ST8SIA6: variants seen among roughly 807,000 people sequenced by gnomAD.
The protein encoded by ST8SIA6 is alpha-2,8-sialyltransferase 8F.
A neutral mutation model predicts 33.6 loss-of-function variants in ST8SIA6; 39 were observed. That is an observed-to-expected ratio of 1.16 (90% CI 0.90 to 1.52). The LOEUF (loss-of-function observed/expected upper bound fraction) is 1.52, where lower values mean the gene tolerates loss of function less well. Among genes scored for constraint, ST8SIA6 ranks in the 40% most tolerant of loss-of-function variants. The pLI is 0.00. For missense variants in ST8SIA6, 441 were observed against 443.8 expected (o/e 0.99, Z 0.06); for synonymous variants, 172 against 167.2 (o/e 1.03, Z -0.22).
intron 3 of ST8SIA6, among the ~76,000 whole-genome samples, chr10:17,385,145 C>T (rs757643490): frequency 7.4e-4 from 113 of 152,302 alleles, no homozygotes; most frequent in Non-Finnish European, 1.2e-3. Context: ...CTGCTCAGGG[C>T]AAACCTGCCT....
At chr10:17,418,659 C>A (rs1851674685) in intron 2 of ST8SIA6, among the ~76,000 whole-genome samples, 1 of 152,192 alleles carries the variant, frequency 6.6e-6, no homozygotes, top group African/African-American at 2.4e-5. Context: ...CATATGGCCT[C>A]CAATTGTTAT....
intron 4 of ST8SIA6, among the ~76,000 whole-genome samples, chr10:17,353,218 A>G (rs536847069): frequency 6.6e-6 from 1 of 152,350 alleles, no homozygotes; most frequent in East Asian, 1.9e-4. Context: ...CCAAAGTCAG[A>G]CAATACTGTT....
chr10:17,343,628 G>C (rs1396219725), intron 4 of ST8SIA6, among the ~76,000 whole-genome samples: 2 of 152,088 alleles, frequency 1.3e-5, no homozygotes, highest in East Asian at 3.9e-4. Context: ...AACACAGAAA[G>C]AGAGCCCTGA....
chr10:17,449,244 G>C (rs916206830), intron 2 of ST8SIA6, among the ~76,000 whole-genome samples: 5 of 151,610 alleles, frequency 3.3e-5, no homozygotes, highest in African/African-American at 7.3e-5. Flanking sequence ...TATTTTAAAA[G>C]ATAAAAGTAC....
chr10:17,321,125 G>C lies in ST8SIA6; in HGVS notation c.950C>G (p.Thr317Ser), dbSNP rs577135198. 1.9e-6 allele frequency: 3 copies of C among 1,614,088 alleles called. No individual in the cohort carries two copies. Among genetic ancestry groups the C allele is most frequent in the South Asian group, 2.2e-5 (2 of 91,080 alleles). The change falls in exon 8 of 8, where the codon ACT becomes AGT. Residue 317 changes from threonine (T) to serine (S), a missense_variant. By Grantham distance (58) the Thr-to-Ser change is moderately conservative. Transcript: ENST00000377602. ...LALFWRTKGVTAYRLSTGLMI... is the reference protein window; with the variant it reads ...LALFWRTKGVSAYRLSTGLMI... ...CAAGCCGGTGGACAAGCGGTATGCA[G>C]TCACACCTTTAGTTCTCCAGAAAAG...
chr10:17,385,608 G>A (rs1423408084), intron 3 of ST8SIA6, among the ~76,000 whole-genome samples: 1 of 152,054 alleles, frequency 6.6e-6, no homozygotes, highest in Admixed American at 6.6e-5. Flanking sequence ...GGGAGAGCTG[G>A]AGACATATTG....
In ST8SIA6 at chr10:17,425,342, C is replaced by T. The variant is rs539108515; in HGVS notation, c.200+28217G>A. Among the ~76,000 whole-genome samples, 6 of 152,100 alleles carry T rather than the reference C, an allele frequency of 3.9e-5. No individual in the cohort carries two copies. In the South Asian group the frequency reaches 1.0e-3, roughly 26 times the overall value. On this transcript the variant is annotated intron_variant, in intron 2 of 7. Coordinates refer to ENST00000377602, the MANE Select transcript of ST8SIA6 (RefSeq NM_001004470.3). ...CCAGCGCTCTGGGAGGCCGAGGAGG[C>T]TGAATCACCTGAGATCAAGAGTTCA...
intron 3 of ST8SIA6, among the ~76,000 whole-genome samples, chr10:17,376,275 G>A (rs531624387): frequency 3.9e-5 from 6 of 152,278 alleles, no homozygotes; most frequent in Admixed American, 1.3e-4. Context: ...CAGTATCCCT[G>A]AATCAACATC....
rs1853049828 is a variant in ST8SIA6 at position 17,454,482 on chromosome 10, G to T, written c.-227C>A. 6.6e-6 allele frequency among the ~76,000 whole-genome samples: 1 copy of T among 151,656 alleles called. No individual in the cohort carries two copies. Among genetic ancestry groups the T allele is most frequent in the African/African-American group, 2.4e-5 (1 of 41,402 alleles). ...GGGCTCGCCCCGGGCTCCCGGCCCC[G>T]GCCCGCGGAGCGCCGCGATCGGCTG... is the stretch of plus-strand genomic sequence containing the variant. On this transcript the variant is annotated 5_prime_UTR_variant, in exon 1 of 8. Coordinates refer to ENST00000377602, the MANE Select transcript of ST8SIA6 (RefSeq NM_001004470.3). The surrounding 1 kb of genome is among the most constrained non-coding windows in gnomAD (Gnocchi z 4.1).
At chr10:17,369,208 C>CA (rs199540611) in intron 3 of ST8SIA6, among the ~76,000 whole-genome samples, 9 of 151,190 alleles carry the variant, frequency 6.0e-5, no homozygotes, top group East Asian at 3.9e-4. Flanking sequence ...TTAATCACCT[C>CA]AAAAAAAAAT....
At position 17,318,841 on chromosome 10, in the gene ST8SIA6, A is replaced by G. The variant is rs895661263; in HGVS notation, c.*2037T>C. ...GCTGTATTGTAAACATTCATGTTCT[A>G]TCATATTTTAGAAAGTTCTAAGTAA... is the stretch of plus-strand genomic sequence containing the variant. On this transcript the variant is annotated 3_prime_UTR_variant, in exon 8 of 8. Transcript: ENST00000377602. 4 of 409,376 alleles carry G rather than the reference A, an allele frequency of 9.8e-6. No individual in the cohort carries two copies. Among genetic ancestry groups the G allele is most frequent in the Non-Finnish European group, 1.9e-5 (4 of 205,466 alleles). 25.4% of individuals were successfully genotyped at this position (409,376 alleles called of 1,614,324 possible).
chr10:17,387,000 C>T (rs191029377), intron 3 of ST8SIA6: 2 of 152,352 alleles, frequency 1.3e-5, no homozygotes, highest in East Asian at 3.9e-4. Flanking sequence ...TTTCACCTCC[C>T]TCTTTCTGAT....
intron 4 of ST8SIA6, among the ~76,000 whole-genome samples, chr10:17,341,916 A>AAAAC (rs1848690194): frequency 6.6e-6 from 1 of 150,820 alleles, no homozygotes; most frequent in African/African-American, 2.4e-5. Flanking sequence ...AAAAAAAAAA[A>AAAAC]AAAAACAAAA....
rs577278689 is a variant in ST8SIA6 at position 17,345,097 on chromosome 10, G to A, written c.378-13545C>T. Reference sequence around the variant, plus strand: ...GTGCCGTCAGTCTACACTGCAGCAGGGGGAGGAGGAGGGAAGAGCTGGGCT... The same window carrying A: ...GTGCCGTCAGTCTACACTGCAGCAGAGGGAGGAGGAGGGAAGAGCTGGGCT... On this transcript the variant is annotated intron_variant, in intron 4 of 7. Transcript: ENST00000377602. 3.5e-3 allele frequency among the ~76,000 whole-genome samples: 536 copies of A among 152,284 alleles called. 2 individuals carry two copies. The highest frequency in any genetic ancestry group is 5.8e-3 in the Non-Finnish European group (395 of 68,016).
chr10:17,376,784 C>A (rs1849929333), intron 3 of ST8SIA6, among the ~76,000 whole-genome samples: 1 of 151,702 alleles, frequency 6.6e-6, no homozygotes, highest in Non-Finnish European at 1.5e-5. Context: ...AGATAACCTA[C>A]TAGAAAGAAT....
At chr10:17,429,373 A>G (rs1400385748) in intron 2 of ST8SIA6, among the ~76,000 whole-genome samples, 4 of 147,576 alleles carry the variant, frequency 2.7e-5, no homozygotes, top group Admixed American at 2.7e-4. Flanking sequence ...GTGCAGTGGC[A>G]TGAATTCAGC....
At chr10:17,378,834 A>C (rs7081823) in intron 3 of ST8SIA6, among the ~76,000 whole-genome samples, 22,056 of 152,144 alleles carry the variant, frequency 0.14, 1,608 homozygotes, top group South Asian at 0.22. Flanking sequence ...GGATTAAAGG[A>C]GGGACTTTTC....
chr10:17,323,273 T>C (rs942293350), intron 6 of ST8SIA6, 116 bp from the exon 7 acceptor site: 1 of 566,100 alleles, frequency 1.8e-6, no homozygotes, highest in Non-Finnish European at 2.9e-6. Context: ...ATTGTTCTTA[T>C]GTTGGAGAAA....
intron 2 of ST8SIA6, 127 bp from the exon 3 acceptor site, chr10:17,390,747 G>A (rs1162270117): frequency 6.6e-6 from 4 of 601,584 alleles, no homozygotes; most frequent in Non-Finnish European, 1.1e-5. Context: ...TCCATTATTG[G>A]ATTTCTCCAT....
Sources: allele counts gnomAD v4.1 joint callset (sites outside exome capture counted in the v4.1 genomes callset), GRCh38; gene constraint gnomAD v4.1.1; non-coding constraint Gnocchi (gnomAD v3.1); transcripts MANE v1.5; gene names NCBI Gene and HGNC (gene_info 2026-07-23, HGNC 2026-07-21).